The following CACNA1C variants were observed in gnomAD, a reference collection of about 807,000 sequenced individuals.
CACNA1C encodes the protein voltage-dependent L-type calcium channel subunit alpha-1C.
A neutral mutation model predicts 229.0 loss-of-function variants in CACNA1C; 30 were observed. The ratio of observed to expected loss-of-function variants is 0.13; its 90% CI spans 0.10 to 0.18. The LOEUF is 0.18. Among genes scored for constraint, CACNA1C ranks in the 10% least tolerant of loss-of-function variants. The pLI is 1.00. For synonymous variants in CACNA1C, 1,114 were observed against 1,132.5 expected, an observed-to-expected ratio of 0.98 and a Z score of 0.33; for missense variants, 1,658 against 2,845.0, an observed-to-expected ratio of 0.58 and a Z score of 9.49.
Position 2,597,820 on chromosome 12 carries a change from A to G in CACNA1C, c.2853+531A>G, listed in dbSNP as rs1301550104. Among the ~76,000 whole-genome samples the G allele has an allele frequency of 6.6e-6, 1 of 152,196 alleles. No homozygotes were observed. The highest frequency in any genetic ancestry group is 2.4e-5 in the African/African-American group (1 of 41,452). ...CAGCCGTCAGCAGCGCCAGACATACATGCCCACATGCACCAGCTCCGGTTA... is the reference window on the plus strand; with the variant it reads ...CAGCCGTCAGCAGCGCCAGACATACGTGCCCACATGCACCAGCTCCGGTTA... On this transcript the variant is annotated intron_variant, in intron 21 of 46. Coordinates refer to ENST00000399655, the MANE Select transcript of CACNA1C (RefSeq NM_000719.7). This position sits in a 1 kb window ranked among gnomAD's most constrained non-coding sequence, Gnocchi z 4.3.
rs770328492 is a variant in CACNA1C, at chr12:2,584,628, A to C, written c.2339+11A>C. The stretch of plus-strand genomic sequence containing the variant: ...AAAGAAGCTGGCCAGGTAACCCTCT[A>C]AGCTTGCCCAGGCCTGGGGCTCCAG... On this transcript the variant is annotated intron_variant, in intron 16 of 46. Transcript: ENST00000399655. The C allele has an allele frequency of 6.3e-7, 1 of 1,575,714 alleles. No homozygotes were observed. The highest frequency in any genetic ancestry group is 8.7e-7 in the Non-Finnish European group (1 of 1,147,460).
rs1258748124 is a variant in CACNA1C at position 2,053,207 on chromosome 12, C to T, written c.-356C>T. 2.0e-6 allele frequency: 2 copies of T among 1,008,036 alleles called. No individual in the cohort carries two copies. Among genetic ancestry groups the T allele is most frequent in the Non-Finnish European group, 2.4e-6 (2 of 845,090 alleles). 62.4% of individuals were successfully genotyped at this position (1,008,036 alleles called of 1,614,324 possible). A position where few individuals can be genotyped will look rare whatever the true frequency, so the allele number is the denominator to read the frequency against. On this transcript the variant is annotated 5_prime_UTR_variant, in exon 1 of 47. Transcript: ENST00000399655. The surrounding 1 kb of genome is among the most constrained non-coding windows in gnomAD (Gnocchi z 5.8). ...CGGCCCAGGCGGGCCCCGCGCGCCC[C>T]CCGCCCCTCCTCTCCGCCTCTTCTC...
At chr12:2,016,249 C>T (rs2045342400) in intron 1 of CACNA1C, among the ~76,000 whole-genome samples, 1 of 152,102 alleles carries the variant, frequency 6.6e-6, no homozygotes, top group South Asian at 2.1e-4. Flanking sequence ...AAGTACTTAT[C>T]AGGTCCCGAG....
chr12:2,593,004 C>T (rs983158386), intron 18 of CACNA1C, among the ~76,000 whole-genome samples: 1 of 152,152 alleles, frequency 6.6e-6, no homozygotes, highest in African/African-American at 2.4e-5. Context: ...GCCCTACTTA[C>T]AATCCCCCTT....
rs181821188 is a variant in CACNA1C at position 2,658,665 on chromosome 12, T to C, written c.4232+3427T>C. On this transcript the variant is annotated intron_variant, in intron 34 of 46. Transcript: ENST00000399655. ...TAACCGTAAAACAGCCTTAGGCAGG[T>C]CCTGCAGGAGGTATTCCAGAAGAAG... Among the ~76,000 whole-genome samples the C allele has an allele frequency of 3.7e-3, 556 of 152,170 alleles. 4 individuals are homozygous for C. The highest frequency in any genetic ancestry group is 0.01 in the South Asian group (49 of 4,820).
At chr12:2,333,752 T>G (rs1450598189) in intron 3 of CACNA1C, among the ~76,000 whole-genome samples, 1 of 152,190 alleles carries the variant, frequency 6.6e-6, no homozygotes, top group Non-Finnish European at 1.5e-5. Flanking sequence ...CACCATTCAC[T>G]GTCTCCCCAG....
chr12:2,656,941 G>T (rs1044685035), intron 34 of CACNA1C, among the ~76,000 whole-genome samples: 2 of 151,590 alleles, frequency 1.3e-5, no homozygotes, highest in African/African-American at 4.9e-5. Flanking sequence ...TGTAATAGAA[G>T]ACAATGGAAT....
Position 2,371,781 on chromosome 12 carries a change from G to T in CACNA1C, c.478-77195G>T, listed in dbSNP as rs1223992181. On this transcript the variant is annotated intron_variant, in intron 3 of 46. Coordinates refer to ENST00000399655, the MANE Select transcript of CACNA1C (RefSeq NM_000719.7). ...CTCTTGGACAATAGTGTTGAAACTT[G>T]TGGAATTAAATCACAGACTGGAGGC... Among the ~76,000 whole-genome samples the T allele has an allele frequency of 2.4e-5, 3 of 127,446 alleles. No individual in the cohort carries two copies. The Admixed American group carries it at 2.6e-4, about 11-fold the overall frequency. 83.6% of individuals were successfully genotyped at this position (127,446 alleles called of 152,430 possible). A position where few individuals can be genotyped will look rare whatever the true frequency, so the allele number is the denominator to read the frequency against.
intron 5 of CACNA1C, among the ~76,000 whole-genome samples, chr12:2,484,270 G>A (rs77402701): frequency 0.025 from 3,830 of 152,288 alleles, 67 homozygotes; most frequent in Non-Finnish European, 0.035. Context: ...AAGTGGGAGG[G>A]AAGTGGGGAA....
chr12:1,988,515 G>A (rs998519151), intron 1 of CACNA1C, among the ~76,000 whole-genome samples: 2 of 152,222 alleles, frequency 1.3e-5, no homozygotes, highest in Non-Finnish European at 2.9e-5. Context: ...CCCTCTGTGA[G>A]GAGGCAACGC....
chr12:2,422,669 T>C (rs1187940367), intron 3 of CACNA1C, among the ~76,000 whole-genome samples: 1 of 152,214 alleles, frequency 6.6e-6, no homozygotes, highest in Non-Finnish European at 1.5e-5. Context: ...GAGTGCTAAC[T>C]CGTGTGGCCA....
In CACNA1C at chr12:2,186,437, G is replaced by T. The variant is rs2097011886; in HGVS notation, c.477+66007G>T. Among the ~76,000 whole-genome samples the T allele has an allele frequency of 3.3e-5, 5 of 152,166 alleles. No individual in the cohort carries two copies. In the South Asian group the frequency reaches 8.3e-4, roughly 25 times the overall value. ...GCCATGGGCAGGTGGCCGCTGAGGG[G>T]GTAAGGGTTCCTTTCAGTGTGAAAT... On this transcript the variant is annotated intron_variant, in intron 3 of 46. Coordinates refer to ENST00000399655, the MANE Select transcript of CACNA1C (RefSeq NM_000719.7).
At chr12:2,620,215 T>C (rs913506980) in intron 29 of CACNA1C, among the ~76,000 whole-genome samples, 11 of 151,198 alleles carry the variant, frequency 7.3e-5, no homozygotes, top group African/African-American at 2.4e-4. Flanking sequence ...TTTGTTGTTA[T>C]TGTCAGTTTG....
At chr12:2,170,962 T>A (rs2096454851) in intron 3 of CACNA1C, among the ~76,000 whole-genome samples, 1 of 152,180 alleles carries the variant, frequency 6.6e-6, no homozygotes, top group Admixed American at 6.5e-5. Context: ...GGCTGGTCTG[T>A]CCCTGTGCTT....
At chr12:2,482,857 T>C (rs968134307) in intron 5 of CACNA1C, among the ~76,000 whole-genome samples, 8 of 152,316 alleles carry the variant, frequency 5.3e-5, no homozygotes, top group South Asian at 4.2e-4. Flanking sequence ...ATCTAACCCC[T>C]CTTCCTCAAA....
chr12:2,417,819 C>G (rs1191565967), intron 3 of CACNA1C, among the ~76,000 whole-genome samples: 1 of 152,098 alleles, frequency 6.6e-6, no homozygotes, highest in Non-Finnish European at 1.5e-5. Flanking sequence ...CTCCAATTCC[C>G]CCCTGCAGGT....
At chr12:2,256,586 G>T (rs985060432) in intron 3 of CACNA1C, among the ~76,000 whole-genome samples, 1 of 152,196 alleles carries the variant, frequency 6.6e-6, no homozygotes, top group Non-Finnish European at 1.5e-5. Flanking sequence ...CAGTTAACCA[G>T]TTAGAGATGA....
chr12:2,149,032 A>G (rs1292877021), intron 3 of CACNA1C, among the ~76,000 whole-genome samples: 1 of 152,130 alleles, frequency 6.6e-6, no homozygotes, highest in Non-Finnish European at 1.5e-5. Context: ...AGACTTGGCA[A>G]GGGATGTCTT....
chr12:2,487,885 C>G (rs1474328016), intron 6 of CACNA1C, among the ~76,000 whole-genome samples: 3 of 152,074 alleles, frequency 2.0e-5, no homozygotes, highest in Admixed American at 2.0e-4. Flanking sequence ...AATTGTGTGG[C>G]CCTGTGAGAG....
Sources: gnomAD v4.1 joint callset for allele counts (sites outside exome capture counted in the v4.1 genomes callset) on GRCh38, gnomAD v4.1.1 for gene constraint, Gnocchi (gnomAD v3.1) non-coding constraint, MANE v1.5 for transcripts, NCBI Gene and HGNC (gene_info 2026-07-23, HGNC 2026-07-21) for gene names.